IGSF21: variants seen among roughly 807,000 people sequenced by gnomAD.
IGSF21 encodes immunoglobin superfamily member 21, also known as immunoglobulin superfamily member 21.
IGSF21 carries 28 observed loss-of-function variants against 46.8 expected under a neutral mutation model. The observed-to-expected ratio is 0.60, with a 90% confidence interval of 0.44 to 0.82. IGSF21 has a LOEUF of 0.82. IGSF21 is among the 40% of genes least tolerant of loss of function. The pLI, the probability that IGSF21 is intolerant of heterozygous loss-of-function variation, is 0.00. For synonymous variants in IGSF21, 284 were observed against 273.6 expected, an observed-to-expected ratio of 1.04 and a Z score of -0.38; for missense variants, 624 against 665.5, an observed-to-expected ratio of 0.94 and a Z score of 0.69.
intron 1 of IGSF21, among the ~76,000 whole-genome samples, chr1:18,130,941 G>C (rs2086315675): frequency 6.6e-6 from 1 of 152,188 alleles, no homozygotes; most frequent in South Asian, 2.1e-4. Context: ...GCCTGTATGG[G>C]GGACCTGAGT....
At chr1:18,156,897 G>A (rs2086574328) in intron 1 of IGSF21, among the ~76,000 whole-genome samples, 1 of 152,182 alleles carries the variant, frequency 6.6e-6, no homozygotes, top group Non-Finnish European at 1.5e-5. Flanking sequence ...GGCGGAGGTA[G>A]GTGGATCACC....
At chr1:18,186,914 C>G (rs968046419) in intron 1 of IGSF21, among the ~76,000 whole-genome samples, 1 of 152,128 alleles carries the variant, frequency 6.6e-6, no homozygotes, top group Non-Finnish European at 1.5e-5. Flanking sequence ...TGTCTGGGAT[C>G]TATGCTCTCA....
intron 1 of IGSF21, among the ~76,000 whole-genome samples, chr1:18,177,657 G>A (rs867615462): frequency 2.0e-5 from 3 of 151,978 alleles, no homozygotes; most frequent in South Asian, 2.1e-4. Flanking sequence ...TAGTGCCTGG[G>A]GAATGATCAA....
At chr1:18,194,253 C>T (rs556862784) in intron 1 of IGSF21, among the ~76,000 whole-genome samples, 29 of 152,266 alleles carry the variant, frequency 1.9e-4, no homozygotes, top group Admixed American at 9.2e-4. Context: ...GGGAGGAGAG[C>T]GAACATGTTT....
intron 2 of IGSF21, among the ~76,000 whole-genome samples, chr1:18,276,686 G>A (rs2085106020): frequency 2.0e-5 from 3 of 151,990 alleles, no homozygotes; most frequent in African/African-American, 7.3e-5. Flanking sequence ...ACAAGCCATT[G>A]TCTGGGGCCA....
intron 3 of IGSF21, among the ~76,000 whole-genome samples, chr1:18,312,580 A>G (rs561910521): frequency 1.2e-4 from 19 of 152,306 alleles, no homozygotes; most frequent in African/African-American, 4.1e-4. Context: ...GAGCCCACCC[A>G]CATACCTTGG....
chr1:18,268,789 G>A (rs932034741), intron 2 of IGSF21, among the ~76,000 whole-genome samples: 21 of 152,182 alleles, frequency 1.4e-4, no homozygotes, highest in African/African-American at 5.1e-4. Context: ...TTGGAGAAAG[G>A]GCTGAGAGCT....
At chr1:18,160,791 A>G (rs2086612479) in intron 1 of IGSF21, among the ~76,000 whole-genome samples, 1 of 152,168 alleles carries the variant, frequency 6.6e-6, no homozygotes, top group South Asian at 2.1e-4. Context: ...ACCCAGAATC[A>G]CTGCAGTCAG....
chr1:18,199,653 G>A (rs541437579), intron 1 of IGSF21, among the ~76,000 whole-genome samples: 6 of 152,088 alleles, frequency 3.9e-5, no homozygotes, highest in African/African-American at 1.4e-4. Flanking sequence ...AGAGCCCAGA[G>A]TGAGCAGGTG....
intron 1 of IGSF21, among the ~76,000 whole-genome samples, chr1:18,162,526 G>A (rs910031574): frequency 1.5e-4 from 23 of 152,174 alleles, no homozygotes; most frequent in African/African-American, 5.3e-4. Context: ...CTGATACCCT[G>A]CAGCTTACTG....
At chr1:18,287,489 T>C (rs2085226470) in intron 2 of IGSF21, among the ~76,000 whole-genome samples, 1 of 152,106 alleles carries the variant, frequency 6.6e-6, no homozygotes, top group Non-Finnish European at 1.5e-5. Flanking sequence ...GACCTGTGTG[T>C]TTGTTCATCA....
intron 9 of IGSF21, 64 bp from the exon 10 acceptor site, chr1:18,378,192 C>A: frequency 2.2e-6 from 3 of 1,353,036 alleles, no homozygotes; most frequent in Non-Finnish European, 3.2e-6. Context: ...GACCTGGAGG[C>A]TCTGCTGTTC....
intron 1 of IGSF21, among the ~76,000 whole-genome samples, chr1:18,205,798 G>A (rs543215730): frequency 6.6e-6 from 1 of 152,330 alleles, no homozygotes; most frequent in South Asian, 2.1e-4. Context: ...AGGGATTCGT[G>A]AGAAAGATTC....
In IGSF21 at chr1:18,365,344, A is replaced by G; in HGVS notation, c.662A>G (p.Asp221Gly). 6.2e-7 allele frequency: 1 copy of G among 1,614,052 alleles called. No homozygotes were observed. The highest frequency in any genetic ancestry group is 8.5e-7 in the Non-Finnish European group (1 of 1,180,006). ...PFRSLLHRDL[D>G]DTKMQKSLSL... ...CGCAGCCTTCTGCACCGTGACCTGG[A>G]TGACACCAAGATGCAGAAGTCACTG... The change falls in exon 6 of 10, where the codon GAT becomes GGT. Residue 221 changes from aspartate to glycine, a missense_variant. Transcript: ENST00000251296. The surrounding 1 kb of genome is among the most constrained non-coding windows in gnomAD (Gnocchi z 4.8).
At chr1:18,298,745 G>A (rs1413518799) in intron 3 of IGSF21, among the ~76,000 whole-genome samples, 1 of 152,232 alleles carries the variant, frequency 6.6e-6, no homozygotes, top group African/African-American at 2.4e-5. Context: ...TGCACAATAA[G>A]CGTTGGCTGC....
At chr1:18,217,085 A>C (rs1210746050) in intron 1 of IGSF21, among the ~76,000 whole-genome samples, 1 of 152,108 alleles carries the variant, frequency 6.6e-6, no homozygotes, top group Non-Finnish European at 1.5e-5. Context: ...CCATCCCAGC[A>C]AGACCTAAAA....
At chr1:18,248,381 A>G (rs2124524319) in intron 2 of IGSF21, among the ~76,000 whole-genome samples, 1 of 152,268 alleles carries the variant, frequency 6.6e-6, no homozygotes, top group East Asian at 1.9e-4. Flanking sequence ...TCGGAGGTTG[A>G]TTTCTGTGAT....
At chr1:18,153,084 G>A (rs1022421530) in intron 1 of IGSF21, among the ~76,000 whole-genome samples, 1 of 152,084 alleles carries the variant, frequency 6.6e-6, no homozygotes, top group Non-Finnish European at 1.5e-5. Flanking sequence ...CTCAGTGTTC[G>A]AGCCCCCAAG....
intron 4 of IGSF21, among the ~76,000 whole-genome samples, chr1:18,352,188 C>T (rs990711453): frequency 5.9e-5 from 9 of 152,306 alleles, no homozygotes; most frequent in Admixed American, 4.6e-4. Context: ...TCTCCAATTC[C>T]CCCAAGCCTT....
Sources: gnomAD v4.1 joint callset for allele counts (sites outside exome capture counted in the v4.1 genomes callset) on GRCh38, gnomAD v4.1.1 for gene constraint, Gnocchi (gnomAD v3.1) non-coding constraint, MANE v1.5 for transcripts, NCBI Gene and HGNC (gene_info 2026-07-23, HGNC 2026-07-21) for gene names.